The following SUPT3H variants were observed in gnomAD, a reference collection of about 807,000 sequenced individuals.
SUPT3H encodes the protein transcription initiation protein SPT3 homolog.
In SUPT3H, 44 loss-of-function variants were observed where a neutral mutation model predicts 44.3. That is an observed-to-expected ratio of 0.99 (90% CI 0.78 to 1.28). The LOEUF (loss-of-function observed/expected upper bound fraction) is 1.28, where lower values mean the gene tolerates loss of function less well. Among genes scored for constraint, SUPT3H ranks in the 50% most tolerant of loss-of-function variants. SUPT3H has a pLI of 0.00. For missense variants in SUPT3H, 380 were observed against 387.1 expected (o/e 0.98, Z 0.15); for synonymous variants, 124 against 125.6 (o/e 0.99, Z 0.09).
intron 2 of SUPT3H, among the ~76,000 whole-genome samples, chr6:45,251,397 A>G (rs1772354367): frequency 3.3e-5 from 1 of 30,080 alleles, no homozygotes; most frequent in Admixed American, 2.5e-4. Context: ...GAGAAGCTGC[A>G]CACACACACA....
intron 9 of SUPT3H, among the ~76,000 whole-genome samples, chr6:44,933,367 C>T (rs917973829): frequency 1.3e-5 from 2 of 151,900 alleles, no homozygotes; most frequent in African/African-American, 4.8e-5. Context: ...CAAAAAGATA[C>T]AAAAAAGATA....
At chr6:45,142,736 CAAAAAAAAAAAAA>C (rs70993502) in intron 2 of SUPT3H, among the ~76,000 whole-genome samples, 9 of 14,960 alleles carry the variant, frequency 6.0e-4, no homozygotes, top group African/African-American at 1.4e-3. Flanking sequence ...AACTCCGTCT[CAAAAAAAAAAAAA>C]AAAAAAAAAA....
chr6:45,324,792 A>G (rs1786092575), intron 2 of SUPT3H, among the ~76,000 whole-genome samples: 1 of 152,004 alleles, frequency 6.6e-6, no homozygotes, highest in Non-Finnish European at 1.5e-5. Flanking sequence ...ATCTAATTAA[A>G]ATAAACTGAG....
chr6:44,829,539 CAAATT>C lies in SUPT3H; in HGVS notation c.*272_*276del, dbSNP rs1489900643. On this transcript the variant is annotated 3_prime_UTR_variant, in exon 11 of 11. Coordinates refer to ENST00000371459, the MANE Select transcript of SUPT3H (RefSeq NM_003599.4). ...GTGAGCTGAGGGCAGTAAATCTACT[CAAATT>C]AAAATTTCAAAACTGTGTGATCTGC... is the stretch of plus-strand genomic sequence containing the variant. 6.2e-6 allele frequency: 2 copies of C among 320,456 alleles called. No homozygotes were observed. Among genetic ancestry groups the C allele is most frequent in the Middle Eastern group, 8.7e-4 (1 of 1,148 alleles). The allele number at this position is 320,456 out of a possible 1,614,324, so 19.9% of individuals were successfully genotyped here.
intron 2 of SUPT3H, chr6:45,322,990 C>A: frequency 6.7e-7 from 1 of 1,485,264 alleles, no homozygotes; most frequent in South Asian, 1.2e-5. Flanking sequence ...AAACTTCAAA[C>A]AATTAAGCAA....
At chr6:45,303,484 G>A (rs888898934) in intron 2 of SUPT3H, among the ~76,000 whole-genome samples, 1 of 152,058 alleles carries the variant, frequency 6.6e-6, no homozygotes, top group Non-Finnish European at 1.5e-5. Flanking sequence ...TTCAAAAGAA[G>A]ATAGAGAAAT....
chr6:45,032,203 A>G (rs1351219816), intron 3 of SUPT3H, among the ~76,000 whole-genome samples: 3 of 152,238 alleles, frequency 2.0e-5, no homozygotes, highest in East Asian at 1.9e-4. Context: ...GAAAACCAAT[A>G]CATGTTGTAT....
At chr6:44,969,406 AT>A (rs139569046) in intron 6 of SUPT3H, among the ~76,000 whole-genome samples, 33,736 of 149,842 alleles carry the variant, frequency 0.23, 4,173 homozygotes, top group Non-Finnish European at 0.29. Flanking sequence ...CATTTCAGTA[AT>A]TTTTTTTTTT....
chr6:45,048,480 T>A (rs1789783867), intron 3 of SUPT3H, among the ~76,000 whole-genome samples: 1 of 152,164 alleles, frequency 6.6e-6, no homozygotes, highest in African/African-American at 2.4e-5. Context: ...TATATGTGAA[T>A]ATCCAGTTGT....
intron 2 of SUPT3H, among the ~76,000 whole-genome samples, chr6:45,178,259 G>A (rs1266432472): frequency 2.0e-5 from 3 of 151,814 alleles, no homozygotes; most frequent in African/African-American, 7.3e-5. Context: ...AAAAGGCAGG[G>A]GTTGCAATCC....
chr6:45,149,194 A>G (rs1436632310), intron 2 of SUPT3H, among the ~76,000 whole-genome samples: 3 of 152,188 alleles, frequency 2.0e-5, no homozygotes, highest in Admixed American at 1.3e-4. Context: ...TAACCCCATC[A>G]TAAGTTACAA....
chr6:45,144,833 C>T (rs1454923877), intron 2 of SUPT3H, among the ~76,000 whole-genome samples: 3 of 152,028 alleles, frequency 2.0e-5, no homozygotes, highest in Admixed American at 6.6e-5. Context: ...TTTCAGGATA[C>T]AAAACGAATG....
Position 45,196,498 on chromosome 6 carries a change from TTTATAC to T in SUPT3H, c.102-90498_102-90493del, listed in dbSNP as rs1254497782. The stretch of plus-strand genomic sequence containing the variant: ...ACCAGCTGGGTGGTATTTTTGTGTT[TTTATAC>T]TTATATTTTCACTAACTGAAAGACT... On this transcript the variant is annotated intron_variant, in intron 2 of 10. Transcript: ENST00000371459. Among the ~76,000 whole-genome samples the T allele has an allele frequency of 7.9e-5, 12 of 152,078 alleles. 1 individual carries two copies. The highest frequency in any genetic ancestry group is 7.9e-4 in the Admixed American group (12 of 15,242).
intron 4 of SUPT3H, among the ~76,000 whole-genome samples, chr6:45,015,795 G>GCACACACA (rs111999224): frequency 6.3e-4 from 95 of 149,652 alleles, no homozygotes; most frequent in African/African-American, 2.2e-3. Flanking sequence ...ACACACGCGC[G>GCACACACA]CGCACACACA....
intron 10 of SUPT3H, among the ~76,000 whole-genome samples, chr6:44,896,077 C>T (rs1764086932): frequency 6.6e-6 from 1 of 151,964 alleles, no homozygotes; most frequent in Admixed American, 6.6e-5. Context: ...TGTAACACAA[C>T]CTATAAAAAA....
chr6:45,130,650 G>T (rs1182214593), intron 2 of SUPT3H, among the ~76,000 whole-genome samples: 1 of 145,896 alleles, frequency 6.9e-6, no homozygotes, highest in Non-Finnish European at 1.5e-5. Flanking sequence ...GAGTCACACT[G>T]GTGAAAGCAT....
At chr6:45,280,644 G>C (rs544613529) in intron 2 of SUPT3H, among the ~76,000 whole-genome samples, 1 of 152,096 alleles carries the variant, frequency 6.6e-6, no homozygotes, top group Non-Finnish European at 1.5e-5. Context: ...TTCAGAACAC[G>C]TGAGGATTAT....
intron 2 of SUPT3H, among the ~76,000 whole-genome samples, chr6:45,265,634 A>T (rs899398467): frequency 2.0e-4 from 30 of 152,250 alleles, no homozygotes; most frequent in African/African-American, 6.5e-4. Context: ...TATATAAGGC[A>T]CACCAAAGTA....
At chr6:45,106,125 G>A (rs1011885813) in intron 2 of SUPT3H, 119 bp from the exon 3 acceptor site, 2 of 808,508 alleles carry the variant, frequency 2.5e-6, no homozygotes, top group African/African-American at 1.7e-5. Context: ...TTGCCCAAAT[G>A]TCTGAATGGG....
Sources: gnomAD v4.1 joint callset for allele counts (sites outside exome capture counted in the v4.1 genomes callset) on GRCh38, gnomAD v4.1.1 for gene constraint, MANE v1.5 for transcripts, NCBI Gene and HGNC (gene_info 2026-07-23, HGNC 2026-07-21) for gene names.